The following STPG4 variants were observed in gnomAD, a reference collection of about 807,000 sequenced individuals.
STPG4 encodes the protein sperm-tail PG-rich repeat containing 4, also known as protein STPG4.
STPG4 carries 41 observed loss-of-function variants against 31.5 expected under a neutral mutation model. The ratio of observed to expected loss-of-function variants is 1.30; its 90% CI spans 1.01 to 1.69. The LOEUF is 1.69. Among genes scored for constraint, STPG4 ranks in the 40% most tolerant of loss-of-function variants. STPG4 has a pLI of 0.00. For missense variants in STPG4, 375 were observed against 293.4 expected (o/e 1.28, Z -2.03); for synonymous variants, 141 against 103.0 (o/e 1.37, Z -2.24).
At position 47,155,206 on chromosome 2, in the gene STPG4, C is replaced by G; in HGVS notation, c.46G>C (p.Asp16His). ...VATASTSIREDLVGGESFITA... is the reference protein window; with the variant it reads ...VATASTSIREHLVGGESFITA... Reference sequence around the variant, plus strand: ...ATGAATGATTCTCCACCCACCAGGTCTTCCCTTATTGAGGTGGAAGCGGTG... The same window carrying G: ...ATGAATGATTCTCCACCCACCAGGTGTTCCCTTATTGAGGTGGAAGCGGTG... The change falls in exon 1 of 7, where the codon GAC becomes CAC. Residue 16 changes from aspartate to histidine, a missense_variant. Asp to His is a moderately conservative substitution (Grantham distance 81). Transcript: ENST00000445927. 1 of 1,614,192 alleles carries G rather than the reference C, an allele frequency of 6.2e-7. No homozygotes were observed. Among genetic ancestry groups the G allele is most frequent in the Non-Finnish European group, 8.5e-7 (1 of 1,180,038 alleles).
At chr2:47,131,501 C>T (rs1257136586) in intron 3 of STPG4, among the ~76,000 whole-genome samples, 1 of 152,166 alleles carries the variant, frequency 6.6e-6, no homozygotes, top group Non-Finnish European at 1.5e-5. Flanking sequence ...GGGTAAAGCG[C>T]AGCACTAGTA....
Position 47,129,988 on chromosome 2 carries a change from C to T in STPG4, c.472G>A (p.Val158Ile). 2 of 1,563,288 alleles carry T rather than the reference C, an allele frequency of 1.3e-6. No individual in the cohort carries two copies. Among genetic ancestry groups the T allele is most frequent in the Non-Finnish European group, 1.8e-6 (2 of 1,135,800 alleles). The change falls in exon 5 of 7, where the codon GTA (valine) becomes ATA (isoleucine). Residue 158 changes from valine (V) to isoleucine (I), a missense_variant. By Grantham distance (29) the Val-to-Ile change is conservative. Transcript: ENST00000445927. ...PVPKYASRSCVFRSTVQRFPT... is the reference protein window; with the variant it reads ...PVPKYASRSCIFRSTVQRFPT... ...AATCTTTGAACTGTTGAGCGAAATA[C>T]ACAGCTCCTATATTTCAAAATAAAA...
At chr2:47,092,307 A>C (rs950794240) in intron 5 of STPG4, among the ~76,000 whole-genome samples, 5 of 148,946 alleles carry the variant, frequency 3.4e-5, no homozygotes, top group African/African-American at 7.4e-5. Flanking sequence ...AGGCTGGTGG[A>C]TCACTTGAGG....
intron 3 of STPG4, among the ~76,000 whole-genome samples, chr2:47,137,861 CTCTT>C (rs1214495227): frequency 6.6e-6 from 1 of 152,090 alleles, no homozygotes; most frequent in Non-Finnish European, 1.5e-5. Context: ...TGTGTTTTCT[CTCTT>C]TTTTCTTAGT....
intron 3 of STPG4, among the ~76,000 whole-genome samples, chr2:47,148,990 T>C (rs1686882986): frequency 6.6e-6 from 1 of 152,242 alleles, no homozygotes; most frequent in Admixed American, 6.5e-5. Context: ...GCTTAATGTA[T>C]AACAATAATA....
At chr2:47,096,783 G>C (rs1205338546) in intron 5 of STPG4, among the ~76,000 whole-genome samples, 2 of 152,104 alleles carry the variant, frequency 1.3e-5, no homozygotes, top group Non-Finnish European at 2.9e-5. Flanking sequence ...TTGACTTCAG[G>C]GTGCCTACAA....
chr2:47,091,539 G>A (rs1426743730), intron 5 of STPG4, among the ~76,000 whole-genome samples: 1 of 152,080 alleles, frequency 6.6e-6, no homozygotes, highest in Non-Finnish European at 1.5e-5. Context: ...CTTGCCTCAG[G>A]AGTGGGACAG....
chr2:47,090,213 T>G (rs1247438721), intron 6 of STPG4, 57 bp downstream of exon 6: 2 of 1,236,242 alleles, frequency 1.6e-6, no homozygotes, highest in Non-Finnish European at 2.3e-6. Context: ...ACAGAAAACC[T>G]ACCACCATAA....
intron 2 of STPG4, among the ~76,000 whole-genome samples, chr2:47,152,317 A>G (rs1451677524): frequency 6.6e-6 from 1 of 152,220 alleles, no homozygotes; most frequent in East Asian, 1.9e-4. Flanking sequence ...GGTACTTTCA[A>G]ATTACAACCA....
intron 3 of STPG4, among the ~76,000 whole-genome samples, chr2:47,150,809 T>C (rs1246296919): frequency 6.6e-6 from 1 of 152,024 alleles, no homozygotes; most frequent in Non-Finnish European, 1.5e-5. Flanking sequence ...TTTGTAGAGA[T>C]GGGTCATTTC....
intron 3 of STPG4, among the ~76,000 whole-genome samples, chr2:47,137,296 T>G (rs920752051): frequency 2.0e-5 from 3 of 152,212 alleles, no homozygotes; most frequent in Non-Finnish European, 2.9e-5. Flanking sequence ...ATTTTTAAAA[T>G]ATTGAGCCAG....
intron 5 of STPG4, among the ~76,000 whole-genome samples, chr2:47,123,119 C>T (rs1298518934): frequency 1.3e-5 from 2 of 152,144 alleles, no homozygotes; most frequent in African/African-American, 4.8e-5. Flanking sequence ...AGCCACTGTG[C>T]CCAGCCAATT....
chr2:47,154,842 G>C (rs1686997721), intron 1 of STPG4, among the ~76,000 whole-genome samples: 1 of 152,204 alleles, frequency 6.6e-6, no homozygotes, highest in Non-Finnish European at 1.5e-5. Context: ...CCGGCAGATG[G>C]AGCGGAAAGG....
chr2:47,117,460 C>T (rs968092430), intron 5 of STPG4, among the ~76,000 whole-genome samples: 5 of 152,082 alleles, frequency 3.3e-5, no homozygotes, highest in Admixed American at 1.3e-4. Context: ...CTGCCTGCCT[C>T]GGCCTCCTAA....
intron 3 of STPG4, among the ~76,000 whole-genome samples, chr2:47,135,913 T>C (rs772258934): frequency 1.2e-4 from 19 of 152,176 alleles, no homozygotes; most frequent in Non-Finnish European, 2.1e-4. Context: ...TGAAGTCAGG[T>C]AGTGTCAGTC....
chr2:47,097,038 G>C (rs1685685317), intron 5 of STPG4, among the ~76,000 whole-genome samples: 1 of 152,138 alleles, frequency 6.6e-6, no homozygotes. Flanking sequence ...AGATAGGGAG[G>C]ACACAGGTGG....
At chr2:47,151,925 T>G (rs981205620) in intron 2 of STPG4, among the ~76,000 whole-genome samples, 24 of 151,308 alleles carry the variant, frequency 1.6e-4, no homozygotes, top group African/African-American at 5.6e-4. Context: ...TTTTGTTTTT[T>G]TTTTTTTTTT....
chr2:47,146,039 C>T (rs1186684623), intron 3 of STPG4, among the ~76,000 whole-genome samples: 2 of 152,080 alleles, frequency 1.3e-5, no homozygotes, highest in Non-Finnish European at 2.9e-5. Flanking sequence ...GTGAAAATAC[C>T]TTGAGGTAGG....
At chr2:47,088,817 A>G (rs6758667) in intron 6 of STPG4, among the ~76,000 whole-genome samples, 135,746 of 152,206 alleles carry the variant, frequency 0.89, 60,546 homozygotes, top group East Asian at 0.96. Context: ...ATCAAGTCCT[A>G]GCCAAACGTC....
Sources: gnomAD v4.1 joint callset for allele counts (sites outside exome capture counted in the v4.1 genomes callset) on GRCh38, gnomAD v4.1.1 for gene constraint, MANE v1.5 for transcripts, NCBI Gene and HGNC (gene_info 2026-07-23, HGNC 2026-07-21) for gene names.